The following MYO5A variants were observed in gnomAD, a reference collection of about 807,000 sequenced individuals.
MYO5A encodes the protein unconventional myosin-Va.
In MYO5A, 98 loss-of-function variants were observed where a neutral mutation model predicts 249.7. The ratio of observed to expected loss-of-function variants is 0.39; its 90% confidence interval spans 0.33 to 0.46. The LOEUF is 0.46. Ranked by LOEUF, MYO5A falls within the 20% of genes least tolerant of loss-of-function variation. MYO5A has a pLI of 0.98. For synonymous variants in MYO5A, 778 were observed against 810.6 expected (o/e 0.96, Z 0.68); for missense variants, 1,696 against 2,308.8 (o/e 0.73, Z 5.44).
intron 31 of MYO5A, among the ~76,000 whole-genome samples, chr15:52,341,594 C>A (rs1437233167): frequency 6.6e-6 from 1 of 152,220 alleles, no homozygotes; most frequent in Non-Finnish European, 1.5e-5. Context: ...TTATTCCAGT[C>A]CCTTGGTTGC....
At chr15:52,392,096 T>G (rs769287784) in intron 11 of MYO5A, 26 bp from the exon 12 acceptor site, 2 of 1,598,866 alleles carry the variant, frequency 1.3e-6, no homozygotes, top group Non-Finnish European at 1.7e-6. Context: ...AAAAAAGCAG[T>G]CATTACTGGA....
chr15:52,402,877 A>G (rs1198360966), intron 9 of MYO5A, among the ~76,000 whole-genome samples: 1 of 151,986 alleles, frequency 6.6e-6, no homozygotes, highest in Non-Finnish European at 1.5e-5. Flanking sequence ...AAAAAACAAA[A>G]CAAAACAAAA....
Position 52,375,321 on chromosome 15 carries a change from T to C in MYO5A, c.2560A>G (p.Arg854Gly), listed in dbSNP as rs766775149. 6.2e-7 allele frequency: 1 copy of C among 1,614,166 alleles called. No individual in the cohort carries two copies. Among genetic ancestry groups the C allele is most frequent in the East Asian group, 2.2e-5 (1 of 44,874 alleles). Reference sequence around the variant, plus strand: ...TGCCTCACCTTGCGATACCTATTTCTGGCCAAGAAGCCTCGCAAGTAAGAC... The same window carrying C: ...TGCCTCACCTTGCGATACCTATTTCCGGCCAAGAAGCCTCGCAAGTAAGAC... ...LQSYLRGFLA[R>G]NRYRKILREH... The change falls in exon 20 of 42, where the codon AGA becomes GGA. Residue 854 changes from arginine (R) to glycine (G), a missense_variant. Physicochemically the swap from Arg to Gly is moderately radical, Grantham distance 125 (BLOSUM62 -2). Transcript: ENST00000399233.
At chr15:52,342,034 C>CA (rs140606484) in intron 31 of MYO5A, among the ~76,000 whole-genome samples, 73,018 of 151,768 alleles carry the variant, frequency 0.48, 21,267 homozygotes, top group Non-Finnish European at 0.63. Context: ...TCATGCATTT[C>CA]ATCTTGCTTT....
At chr15:52,377,946 T>C (rs986015674) in intron 18 of MYO5A, among the ~76,000 whole-genome samples, 1 of 152,222 alleles carries the variant, frequency 6.6e-6, no homozygotes, top group African/African-American at 2.4e-5. Context: ...TTATCTCATA[T>C]ATGAAACCAA....
intron 34 of MYO5A, among the ~76,000 whole-genome samples, chr15:52,334,641 A>G (rs962612044): frequency 1.3e-5 from 2 of 152,252 alleles, no homozygotes; most frequent in African/African-American, 4.8e-5. Context: ...CCATGTTATA[A>G]ATATTTCTGA....
intron 1 of MYO5A, among the ~76,000 whole-genome samples, chr15:52,479,197 C>T (rs2076663562): frequency 6.6e-6 from 1 of 151,904 alleles, no homozygotes; most frequent in South Asian, 2.1e-4. Flanking sequence ...AGGCTGGTCT[C>T]GAATGCCTGA....
rs1381770802 is a variant in MYO5A at position 52,372,271 on chromosome 15, G to A, written c.2670C>T (p.Ile890=). 1 of 1,611,836 alleles carries A rather than the reference G, an allele frequency of 6.2e-7. No homozygotes were observed. Among genetic ancestry groups the A allele is most frequent in the Admixed American group, 1.7e-5 (1 of 60,020 alleles). ...THYKRSMHAI[I]YLQCCFRRMM... ...TCCGCCTGAAGCAGCACTGAAGGTA[G>A]ATGATGGCATGCATGCTCCTCTTGT... The change falls in exon 21 of 42, where the codon ATC becomes ATT. Residue 890 remains isoleucine, a synonymous_variant. Coordinates refer to ENST00000399233, the MANE Select transcript of MYO5A (RefSeq NM_001382347.1).
chr15:52,366,978 T>C (rs2040843744), intron 23 of MYO5A, 53 bp downstream of exon 23: 1 of 1,365,468 alleles, frequency 7.3e-7, no homozygotes. Context: ...CATTGTAACT[T>C]ACATAACTTT....
chr15:52,471,619 A>ACACACC (rs773132992), intron 1 of MYO5A, among the ~76,000 whole-genome samples: 55 of 149,304 alleles, frequency 3.7e-4, no homozygotes, highest in East Asian at 1.6e-3. Flanking sequence ...ACACACACAC[A>ACACACC]CCCCAAACAA....
chr15:52,482,289 G>A, intron 1 of MYO5A, among the ~76,000 whole-genome samples: 1 of 152,208 alleles, frequency 6.6e-6, no homozygotes, highest in South Asian at 2.1e-4. Context: ...CTTCTTCATG[G>A]CATCATGTGG....
intron 37 of MYO5A, 102 bp from the exon 38 acceptor site, chr15:52,321,611 G>T: frequency 1.5e-6 from 2 of 1,318,262 alleles, no homozygotes; most frequent in East Asian, 2.3e-5. Context: ...TTTCTGCTCT[G>T]TCCAAGGAGC....
chr15:52,338,224 C>CT (rs561714948), intron 32 of MYO5A, among the ~76,000 whole-genome samples: 64,288 of 128,684 alleles, frequency 0.5, 19,175 homozygotes, highest in Non-Finnish European at 0.67. Flanking sequence ...ACTTGCTGCA[C>CT]TTTTTTTTTT....
chr15:52,359,564 T>C (rs1018312433), intron 25 of MYO5A, among the ~76,000 whole-genome samples: 19 of 152,148 alleles, frequency 1.2e-4, no homozygotes, highest in African/African-American at 4.6e-4. Context: ...AGGGCTTACT[T>C]TAAAAATAAT....
intron 1 of MYO5A, among the ~76,000 whole-genome samples, chr15:52,466,346 G>T (rs1358777785): frequency 1.3e-5 from 2 of 152,170 alleles, no homozygotes; most frequent in African/African-American, 4.8e-5. Flanking sequence ...AGCTGCTGGT[G>T]CTGAAACTGG....
rs184858950 is a variant in MYO5A, at chr15:52,469,557, G to A, written c.28-36272C>T. Among the ~76,000 whole-genome samples the A allele has an allele frequency of 4.4e-4, 67 of 152,254 alleles. 1 individual carries two copies. The East Asian group carries it at 7.0e-3, about 16-fold the overall frequency. ...GGCAGCAGAGATAGAGGAGACAGAA[G>A]GGGAGGCAGGAGAAACAGGCACACT... On this transcript the variant is annotated intron_variant, in intron 1 of 41. Coordinates refer to ENST00000399233, the MANE Select transcript of MYO5A (RefSeq NM_001382347.1).
At chr15:52,523,235 C>A (rs956582889) in intron 1 of MYO5A, among the ~76,000 whole-genome samples, 1 of 148,274 alleles carries the variant, frequency 6.7e-6, no homozygotes, top group African/African-American at 2.5e-5. Context: ...CTGCCTCAGT[C>A]CACCAGACCT....
intron 1 of MYO5A, among the ~76,000 whole-genome samples, chr15:52,508,147 T>A (rs77574194): frequency 0.062 from 9,437 of 152,240 alleles, 982 homozygotes; most frequent in African/African-American, 0.22. Context: ...ATTCATTTTA[T>A]GTATTTGTTA....
chr15:52,332,539 C>T (rs773093074), intron 34 of MYO5A, among the ~76,000 whole-genome samples: 10 of 152,204 alleles, frequency 6.6e-5, no homozygotes, highest in African/African-American at 9.7e-5. Context: ...ATGTGCCATA[C>T]TCTCACTAAA....
Sources: gnomAD v4.1 joint callset for allele counts (sites outside exome capture counted in the v4.1 genomes callset) on GRCh38, gnomAD v4.1.1 for gene constraint, MANE v1.5 for transcripts, NCBI Gene and HGNC (gene_info 2026-07-23, HGNC 2026-07-21) for gene names.